The following SHISA9 variants were observed in gnomAD, a reference collection of about 807,000 sequenced individuals.
SHISA9 encodes shisa family member 9.
A neutral mutation model predicts 38.0 loss-of-function variants in SHISA9; 13 were observed. The observed-to-expected ratio is 0.34, with a 90% confidence interval of 0.22 to 0.54. The LOEUF is 0.54. Ranked by LOEUF, SHISA9 falls within the 20% of genes least tolerant of loss-of-function variation. The pLI, the probability that SHISA9 is intolerant of heterozygous loss-of-function variation, is 0.91. For missense variants in SHISA9, 538 were observed against 575.8 expected (o/e 0.93, Z 0.67); for synonymous variants, 275 against 242.0 (o/e 1.14, Z -1.27).
intron 1 of SHISA9, chr16:12,909,473 C>T: frequency 1.0e-6 from 1 of 985,420 alleles, no homozygotes; most frequent in Non-Finnish European, 1.2e-6. Context: ...TACCGGGACT[C>T]TGAGTTCTGT....
chr16:13,127,459 A>G (rs2141984114), intron 2 of SHISA9, among the ~76,000 whole-genome samples: 1 of 151,824 alleles, frequency 6.6e-6, no homozygotes, highest in Non-Finnish European at 1.5e-5. Flanking sequence ...CGAGGGAGGG[A>G]GAGAGAGAAA....
chr16:13,468,752 G>A, the SHISA9 span, among the ~76,000 whole-genome samples: 1 of 152,174 alleles, frequency 6.6e-6, no homozygotes, highest in African/African-American at 2.4e-5. Flanking sequence ...TGAGATGGGA[G>A]GATTGCTTGA....
chr16:13,407,070 C>CGA, the SHISA9 span, among the ~76,000 whole-genome samples: 10 of 45,618 alleles, frequency 2.2e-4, no homozygotes, highest in African/African-American at 8.8e-4. Context: ...CTCTGTCTCA[C>CGA]AAAAAAAAAA....
chr16:13,276,540 A>G, the SHISA9 span, among the ~76,000 whole-genome samples: 1 of 152,140 alleles, frequency 6.6e-6, no homozygotes. Context: ...CCAGCAATGT[A>G]GTAGTGTTCC....
chr16:13,147,461 C>CTTTTTTT (rs55972023), intron 2 of SHISA9, among the ~76,000 whole-genome samples: 8 of 65,068 alleles, frequency 1.2e-4, no homozygotes, highest in Non-Finnish European at 1.7e-4. Context: ...GTAAACTGAG[C>CTTTTTTT]TTTTTTTTTT....
chr16:13,323,703 A>C, the SHISA9 span, among the ~76,000 whole-genome samples: 1 of 152,168 alleles, frequency 6.6e-6, no homozygotes, highest in African/African-American at 2.4e-5. Context: ...TGGCAGGAAG[A>C]AGTGTCGAGC....
At chr16:13,558,432 C>A in the SHISA9 span, among the ~76,000 whole-genome samples, 26 of 152,316 alleles carry the variant, frequency 1.7e-4, 1 homozygote, top group South Asian at 1.7e-3. Context: ...TTAGCCAATC[C>A]TGAGCCATGG....
the SHISA9 span, among the ~76,000 whole-genome samples, chr16:13,556,665 A>G: frequency 1.3e-5 from 2 of 152,154 alleles, no homozygotes; most frequent in Admixed American, 1.3e-4. Flanking sequence ...TCTGTCTCAA[A>G]AAAATAAAAA....
the SHISA9 span, among the ~76,000 whole-genome samples, chr16:13,378,454 C>A: frequency 6.6e-6 from 1 of 152,156 alleles, no homozygotes; most frequent in Non-Finnish European, 1.5e-5. Flanking sequence ...GTGTTATAAA[C>A]CCTGCCTGCG....
intron 2 of SHISA9, among the ~76,000 whole-genome samples, chr16:12,992,787 G>A (rs1027330567): frequency 2.0e-5 from 3 of 152,156 alleles, no homozygotes. Context: ...TGTCTTGCAT[G>A]TTTCAAAGGG....
intron 2 of SHISA9, among the ~76,000 whole-genome samples, chr16:12,993,369 T>C (rs570757498): frequency 5.2e-4 from 79 of 152,312 alleles, no homozygotes; most frequent in African/African-American, 1.8e-3. Context: ...TGGAAGTAGA[T>C]ACAACTGGAT....
chr16:13,434,606 G>C, the SHISA9 span, among the ~76,000 whole-genome samples: 12 of 151,924 alleles, frequency 7.9e-5, no homozygotes, highest in Non-Finnish European at 1.5e-4. Context: ...TTTTAGTAGA[G>C]ATGGGGTTTC....
At chr16:13,307,608 G>T in the SHISA9 span, among the ~76,000 whole-genome samples, 52 of 152,272 alleles carry the variant, frequency 3.4e-4, no homozygotes, top group East Asian at 1.9e-3. Flanking sequence ...TGATTACAAT[G>T]ACTAATCAGA....
intron 2 of SHISA9, among the ~76,000 whole-genome samples, chr16:13,089,410 G>A (rs977028035): frequency 3.3e-5 from 5 of 152,232 alleles, no homozygotes; most frequent in African/African-American, 9.6e-5. Flanking sequence ...GGTAGAATTC[G>A]GCTGTGAATC....
chr16:13,197,516 C>G (rs989033484), intron 2 of SHISA9: 1 of 152,000 alleles, frequency 6.6e-6, no homozygotes, highest in African/African-American at 2.4e-5. Context: ...GTTACCTTGG[C>G]GCAAGTCTGC....
At chr16:13,136,846 T>C (rs543635295) in intron 2 of SHISA9, among the ~76,000 whole-genome samples, 1 of 152,278 alleles carries the variant, frequency 6.6e-6, no homozygotes, top group South Asian at 2.1e-4. Flanking sequence ...TTTTGACTAA[T>C]GTCTCATTGA....
intron 2 of SHISA9, among the ~76,000 whole-genome samples, chr16:13,087,810 T>C (rs1052524850): frequency 3.3e-5 from 5 of 152,238 alleles, no homozygotes; most frequent in African/African-American, 7.2e-5. Context: ...TCTTTTGCTG[T>C]GCAGAAGCTC....
At chr16:12,981,771 A>C (rs554605342) in intron 2 of SHISA9, among the ~76,000 whole-genome samples, 1 of 152,204 alleles carries the variant, frequency 6.6e-6, no homozygotes, top group Admixed American at 6.5e-5. Flanking sequence ...AAATGAGGTC[A>C]TATGGGTGGA....
the SHISA9 span, among the ~76,000 whole-genome samples, chr16:13,541,053 T>C: frequency 0.67 from 102,465 of 151,998 alleles, 35,117 homozygotes; most frequent in East Asian, 0.97. Context: ...GGAAGCAAAA[T>C]CAATGGAGAA....
Sources: allele counts gnomAD v4.1 joint callset (sites outside exome capture counted in the v4.1 genomes callset), GRCh38; gene constraint gnomAD v4.1.1; transcripts MANE v1.5; gene names NCBI Gene and HGNC (gene_info 2026-07-23, HGNC 2026-07-21).